Variants in AGBL1 observed in about 807,000 individuals in gnomAD.
The protein encoded by AGBL1 is AGBL carboxypeptidase 1, also known as cytosolic carboxypeptidase 4.
In AGBL1, 130 loss-of-function variants were observed where a neutral mutation model predicts 118.9. That is an observed-to-expected ratio of 1.09 (90% CI 0.95 to 1.26). AGBL1 has a LOEUF of 1.26. Among genes scored for constraint, AGBL1 ranks in the 50% most tolerant of loss-of-function variants. The probability of loss-of-function intolerance (pLI) is 0.00; values close to 1 mark genes in which losing one functional copy is unlikely to be tolerated. For missense variants in AGBL1, 1,584 were observed against 1,298.1 expected, an observed-to-expected ratio of 1.22 and a Z score of -3.38; for synonymous variants, 555 against 478.9, an observed-to-expected ratio of 1.16 and a Z score of -2.08.
At chr15:86,582,675 G>A (rs1567069748) in intron 21 of AGBL1, among the ~76,000 whole-genome samples, 1 of 152,132 alleles carries the variant, frequency 6.6e-6, no homozygotes, top group Non-Finnish European at 1.5e-5. Context: ...GGAATACTAT[G>A]CAGCCATGAA....
chr15:86,801,347 A>ATCTATCTC (rs1398812527), intron 22 of AGBL1, among the ~76,000 whole-genome samples: 1 of 149,352 alleles, frequency 6.7e-6, no homozygotes, highest in East Asian at 1.9e-4. Context: ...CTATCTATCT[A>ATCTATCTC]TCTATCTATA....
chr15:86,634,433 C>A (rs1001023718), intron 21 of AGBL1, among the ~76,000 whole-genome samples: 4 of 152,012 alleles, frequency 2.6e-5, no homozygotes, highest in Non-Finnish European at 5.9e-5. Flanking sequence ...AAACATTGCG[C>A]TAAGTGAAAG....
At chr15:86,661,884 C>T (rs767143228) in intron 21 of AGBL1, among the ~76,000 whole-genome samples, 26 of 152,274 alleles carry the variant, frequency 1.7e-4, no homozygotes, top group Middle Eastern at 6.8e-3. Context: ...ATTTTGTGGA[C>T]AATTTCTCTA....
intron 17 of AGBL1, among the ~76,000 whole-genome samples, chr15:86,302,008 C>T: frequency 6.6e-6 from 1 of 152,098 alleles, no homozygotes; most frequent in East Asian, 1.9e-4. Context: ...TGTTGTTGAT[C>T]TGCCTGCATA....
chr15:86,238,857 G>A (rs568176547), intron 6 of AGBL1, among the ~76,000 whole-genome samples: 1 of 152,184 alleles, frequency 6.6e-6, no homozygotes, highest in Admixed American at 6.5e-5. Flanking sequence ...GTCTCACTCT[G>A]TTGTCCAGGC....
chr15:86,977,508 C>A (rs952712608), intron 23 of AGBL1, among the ~76,000 whole-genome samples: 1 of 151,112 alleles, frequency 6.6e-6, no homozygotes, highest in South Asian at 2.1e-4. Context: ...TTATTCAAAT[C>A]TTTTTATATA....
chr15:86,818,482 A>C (rs1246610050), intron 22 of AGBL1, among the ~76,000 whole-genome samples: 3 of 152,244 alleles, frequency 2.0e-5, no homozygotes, highest in African/African-American at 7.2e-5. Flanking sequence ...GAGGTGGAAC[A>C]GTTTCATTCA....
chr15:86,567,012 A>G (rs533325638), intron 21 of AGBL1, among the ~76,000 whole-genome samples: 4 of 152,322 alleles, frequency 2.6e-5, no homozygotes, highest in Non-Finnish European at 4.4e-5. Flanking sequence ...GCTACTGCCT[A>G]CAAAACATTT....
chr15:86,938,971 A>G (rs868566005), intron 23 of AGBL1: 1 of 152,330 alleles, frequency 6.6e-6, no homozygotes, highest in Middle Eastern at 3.4e-3. Flanking sequence ...TCTTGCCACA[A>G]AGAGCCTTGG....
rs2080315798 is a variant in AGBL1 at position 86,908,951 on chromosome 15, G to C, written c.*1657G>C. The C allele has an allele frequency of 6.6e-6, 1 of 152,186 alleles. No homozygotes were observed. The highest frequency in any genetic ancestry group is 1.5e-5 in the Non-Finnish European group (1 of 68,044). The allele number at this position is 152,186 out of a possible 1,614,324, so 9.4% of individuals were successfully genotyped here. A position where few individuals can be genotyped will look rare whatever the true frequency, so the allele number is the denominator to read the frequency against. On this transcript the variant is annotated 3_prime_UTR_variant, in exon 23 of 23. Transcript: ENST00000614907. The stretch of plus-strand genomic sequence containing the variant: ...CTGGAAGACCAGTCCTAGTGTCATG[G>C]CTGCATGGTGTCAGAGACCTGGCTT...
In AGBL1 at chr15:86,970,083, A is replaced by G. The variant is rs556180641; in HGVS notation, c.3222-17904A>G. Among the ~76,000 whole-genome samples the G allele has an allele frequency of 2.0e-5, 3 of 151,974 alleles. No individual in the cohort carries two copies. The South Asian group carries it at 6.2e-4, about 32-fold the overall frequency. On this transcript the variant is annotated intron_variant, in intron 23 of 24. Transcript: ENST00000441037. ...AAAAGGTAAAGGCATGGGGAGCCCA[A>G]AAGTCTACCCAATAACTCTAGTAGC...
At chr15:86,315,569 C>G (rs1389737316) in intron 17 of AGBL1, among the ~76,000 whole-genome samples, 5 of 151,590 alleles carry the variant, frequency 3.3e-5, no homozygotes, top group Non-Finnish European at 7.4e-5. Context: ...CAAAAAAAAA[C>G]TAGCCGAGTG....
At chr15:86,176,266 G>T (rs971141824) in intron 5 of AGBL1, among the ~76,000 whole-genome samples, 1 of 152,198 alleles carries the variant, frequency 6.6e-6, no homozygotes, top group East Asian at 1.9e-4. Context: ...CATTATTGAT[G>T]TGTAGGTCCC....
At chr15:86,312,952 T>C (rs1436084266) in intron 17 of AGBL1, among the ~76,000 whole-genome samples, 1 of 152,228 alleles carries the variant, frequency 6.6e-6, no homozygotes, top group African/African-American at 2.4e-5. Context: ...TGAAAGGACC[T>C]GCATGTCAAA....
At chr15:86,664,973 A>G (rs1316842493) in intron 21 of AGBL1, among the ~76,000 whole-genome samples, 1 of 152,148 alleles carries the variant, frequency 6.6e-6, no homozygotes, top group African/African-American at 2.4e-5. Context: ...AAAACACACA[A>G]AGAAAATATT....
At chr15:86,408,090 GTCTCTA>G (rs2081557692) in intron 18 of AGBL1, among the ~76,000 whole-genome samples, 1 of 152,084 alleles carries the variant, frequency 6.6e-6, no homozygotes, top group South Asian at 2.1e-4. Context: ...TTCTTTCCCT[GTCTCTA>G]TCTCTGTTTC....
chr15:86,294,402 CAAAAAAAAAAAAAA>C (rs35878636), intron 16 of AGBL1, among the ~76,000 whole-genome samples: 2 of 63,558 alleles, frequency 3.1e-5, no homozygotes, highest in Non-Finnish European at 5.6e-5. Context: ...GACTTTGTCT[CAAAAAAAAAAAAAA>C]AAAAAAAAAA....
chr15:86,833,241 G>A (rs977555488), intron 22 of AGBL1, among the ~76,000 whole-genome samples: 3 of 152,014 alleles, frequency 2.0e-5, no homozygotes, highest in Non-Finnish European at 4.4e-5. Context: ...GTATGTCCTT[G>A]GGCACATGCC....
intron 21 of AGBL1, among the ~76,000 whole-genome samples, chr15:86,595,694 A>G (rs1206890709): frequency 6.6e-6 from 1 of 152,150 alleles, no homozygotes; most frequent in Non-Finnish European, 1.5e-5. Context: ...ATTTACTGAG[A>G]TAGTAGTATT....
Sources: gnomAD v4.1 joint callset for allele counts (sites outside exome capture counted in the v4.1 genomes callset) on GRCh38, gnomAD v4.1.1 for gene constraint, MANE v1.5 for transcripts, NCBI Gene and HGNC (gene_info 2026-07-23, HGNC 2026-07-21) for gene names.